The following HDHD2 variants were observed in gnomAD, a reference collection of about 807,000 sequenced individuals.
HDHD2 encodes the protein haloacid dehalogenase-like hydrolase domain-containing protein 2.
A neutral mutation model predicts 24.8 loss-of-function variants in HDHD2; 26 were observed. That is an observed-to-expected ratio of 1.05 (90% CI 0.77 to 1.45). The LOEUF is 1.45. Among genes scored for constraint, HDHD2 ranks in the 40% most tolerant of loss-of-function variants. The pLI, the probability that HDHD2 is intolerant of heterozygous loss-of-function variation, is 0.00. For missense variants in HDHD2, 299 were observed against 313.4 expected (o/e 0.95, Z 0.35); for synonymous variants, 128 against 114.9 (o/e 1.11, Z -0.73).
chr18:47,134,820 G>T, intron 2 of HDHD2, 116 bp from the exon 3 acceptor site: 1 of 753,640 alleles, frequency 1.3e-6, no homozygotes, highest in Non-Finnish European at 2.2e-6. Context: ...ATGACAATGT[G>T]TAGCCTCTTG....
rs986433926 is a variant in HDHD2 at position 47,107,978 on chromosome 18, A to C, written c.*704T>G. On this transcript the variant is annotated 3_prime_UTR_variant, in exon 7 of 7. Transcript: ENST00000300605. ...TAATTTTACATAAAATTTCCAAAACAACTGTTACACAGTATAATAGGTATC... is the reference window on the plus strand; with the variant it reads ...TAATTTTACATAAAATTTCCAAAACCACTGTTACACAGTATAATAGGTATC... 5.2e-5 allele frequency: 8 copies of C among 152,668 alleles called. No homozygotes were observed. Among genetic ancestry groups the C allele is most frequent in the Non-Finnish European group, 8.8e-5 (6 of 68,046 alleles). 9.5% of individuals were successfully genotyped at this position (152,668 alleles called of 1,614,324 possible). A position where few individuals can be genotyped will look rare whatever the true frequency, so the allele number is the denominator to read the frequency against.
chr18:47,137,733 C>G (rs1390554910), intron 1 of HDHD2, among the ~76,000 whole-genome samples: 1 of 151,778 alleles, frequency 6.6e-6, no homozygotes, highest in Non-Finnish European at 1.5e-5. Flanking sequence ...AATGTAAAAC[C>G]AAAGACAATT....
chr18:47,138,718 T>C (rs1356368169), intron 1 of HDHD2, among the ~76,000 whole-genome samples: 4 of 152,202 alleles, frequency 2.6e-5, no homozygotes, highest in African/African-American at 9.7e-5. Flanking sequence ...ATAGCCTTTG[T>C]TGAAGTAAAC....
intron 4 of HDHD2, among the ~76,000 whole-genome samples, chr18:47,119,515 C>T (rs532237854): frequency 5.3e-5 from 8 of 152,190 alleles, no homozygotes; most frequent in Non-Finnish European, 8.8e-5. Flanking sequence ...GAGATCGCAG[C>T]GATTCAGTAA....
chr18:47,146,274 G>A (rs1359039442), intron 1 of HDHD2, among the ~76,000 whole-genome samples: 3 of 147,248 alleles, frequency 2.0e-5, no homozygotes, highest in African/African-American at 7.5e-5. Context: ...GCAAATAAAT[G>A]AAGATACTCA....
intron 4 of HDHD2, among the ~76,000 whole-genome samples, chr18:47,117,325 C>T (rs186527002): frequency 2.2e-3 from 336 of 152,182 alleles, no homozygotes; most frequent in African/African-American, 7.8e-3. Context: ...AGTGTTGAGA[C>T]GGGGGCCTTT....
At position 47,136,465 on chromosome 18, in the gene HDHD2, T is replaced by C. The variant is rs374315959; in HGVS notation, c.-10-16A>G. The C allele has an allele frequency of 2.7e-5, 43 of 1,604,776 alleles. No homozygotes were observed. In the African/African-American group the frequency reaches 4.7e-4, roughly 17 times the overall value. On this transcript the variant is annotated splice_polypyrimidine_tract_variant and intron_variant, in intron 1 of 6. Transcript: ENST00000300605. ...CCTTCATTCCCTAGGAGAGAGCAAA[T>C]GAAATTAAAAATACAGTTTAGGAAA...
At chr18:47,127,495 A>G (rs2063670403) in intron 4 of HDHD2, among the ~76,000 whole-genome samples, 1 of 152,148 alleles carries the variant, frequency 6.6e-6, no homozygotes, top group Admixed American at 6.5e-5. Context: ...ATGAGGATAT[A>G]TTAATTTTGT....
intron 1 of HDHD2, among the ~76,000 whole-genome samples, chr18:47,139,181 G>C (rs533715812): frequency 1.3e-5 from 2 of 152,090 alleles, no homozygotes; most frequent in Admixed American, 6.5e-5. Flanking sequence ...TTTGTTGGCC[G>C]GGCACGGTGG....
At chr18:47,132,736 C>A (rs1369340813) in intron 3 of HDHD2, among the ~76,000 whole-genome samples, 1 of 152,180 alleles carries the variant, frequency 6.6e-6, no homozygotes, top group Non-Finnish European at 1.5e-5. Context: ...TCTAAGTATC[C>A]TCTCTGAAAA....
chr18:47,139,701 C>T (rs1167935811), intron 1 of HDHD2, among the ~76,000 whole-genome samples: 1 of 152,070 alleles, frequency 6.6e-6, no homozygotes, highest in Non-Finnish European at 1.5e-5. Context: ...TGGGATCTGA[C>T]ACTATCTCCA....
At chr18:47,129,212 C>T (rs1032036357) in intron 4 of HDHD2, among the ~76,000 whole-genome samples, 10 of 152,116 alleles carry the variant, frequency 6.6e-5, no homozygotes, top group South Asian at 2.1e-4. Flanking sequence ...TCTCATTCTA[C>T]GGCAGATCTG....
chr18:47,130,660 A>G (rs2063705349), intron 3 of HDHD2, among the ~76,000 whole-genome samples: 1 of 152,198 alleles, frequency 6.6e-6, no homozygotes, highest in Admixed American at 6.5e-5. Context: ...TAACTTCAAA[A>G]TGCTTTACTG....
chr18:47,144,111 C>CAAGGTGCAAGGAAAAA (rs1442273960), intron 1 of HDHD2, among the ~76,000 whole-genome samples: 1 of 151,854 alleles, frequency 6.6e-6, no homozygotes, highest in African/African-American at 2.4e-5. Context: ...GTGTAAGCCA[C>CAAGGTGCAAGGAAAAA]AAGGTGCAAG....
At chr18:47,110,383 C>T (rs776394314) in intron 6 of HDHD2, 90 of 985,304 alleles carry the variant, frequency 9.1e-5, no homozygotes, top group Middle Eastern at 1.0e-3. Context: ...GCTCTACTGC[C>T]AGTTTTCTTC....
intron 1 of HDHD2, among the ~76,000 whole-genome samples, chr18:47,141,731 A>G (rs1285309930): frequency 2.9e-4 from 44 of 152,072 alleles, no homozygotes; most frequent in Non-Finnish European, 1.5e-5. Context: ...TTGTTTTTTG[A>G]GCACTTCTTT....
chr18:47,115,411 G>T, intron 4 of HDHD2, 63 bp from the exon 5 acceptor site: 1 of 1,192,526 alleles, frequency 8.4e-7, no homozygotes, highest in Non-Finnish European at 1.2e-6. Flanking sequence ...GACTGGGAAC[G>T]AATGTCAGAC....
intron 4 of HDHD2, among the ~76,000 whole-genome samples, chr18:47,120,397 T>A (rs2063594808): frequency 6.6e-6 from 1 of 152,246 alleles, no homozygotes; most frequent in Non-Finnish European, 1.5e-5. Context: ...AACCATCCTC[T>A]GCTAGCTTCA....
intron 1 of HDHD2, among the ~76,000 whole-genome samples, chr18:47,149,676 C>T (rs2063910261): frequency 6.6e-6 from 1 of 152,174 alleles, no homozygotes; most frequent in Non-Finnish European, 1.5e-5. Flanking sequence ...TCCCTTTAGC[C>T]CTCAGTCTCT....
Sources: allele counts gnomAD v4.1 joint callset (sites outside exome capture counted in the v4.1 genomes callset), GRCh38; gene constraint gnomAD v4.1.1; transcripts MANE v1.5; gene names NCBI Gene and HGNC (gene_info 2026-07-23, HGNC 2026-07-21).